Variants in CYP2J2 observed in about 807,000 individuals in gnomAD.
CYP2J2 encodes the protein cytochrome P450 2J2.
A neutral mutation model predicts 48.8 loss-of-function variants in CYP2J2; 41 were observed. The ratio of observed to expected loss-of-function variants is 0.84; its 90% CI spans 0.66 to 1.09. The LOEUF (loss-of-function observed/expected upper bound fraction) is 1.09. Among genes scored for constraint, CYP2J2 ranks in the 50% least tolerant of loss-of-function variants. The pLI is 0.00. For synonymous variants in CYP2J2, 221 were observed against 227.1 expected (o/e 0.97, Z 0.24); for missense variants, 644 against 617.3 (o/e 1.04, Z -0.46).
chr1:59,964,766 A>T, the CYP2J2 span, among the ~76,000 whole-genome samples: 3 of 152,264 alleles, frequency 2.0e-5, no homozygotes, highest in African/African-American at 7.2e-5. Flanking sequence ...TCAGATTGTA[A>T]ACTTTTTTTC....
intron 1 of CYP2J2, among the ~76,000 whole-genome samples, chr1:59,918,388 T>C (rs1281295439): frequency 6.6e-6 from 1 of 152,180 alleles, no homozygotes; most frequent in Non-Finnish European, 1.5e-5. Context: ...TCCATTACTA[T>C]TTACTGAAAT....
intron 8 of CYP2J2, among the ~76,000 whole-genome samples, chr1:59,900,673 G>C (rs1343145810): frequency 3.3e-5 from 5 of 152,176 alleles, no homozygotes; most frequent in Non-Finnish European, 7.3e-5. Flanking sequence ...AATCCTCTTT[G>C]TGAGCTGGTG....
At chr1:59,949,837 A>G in the CYP2J2 span, among the ~76,000 whole-genome samples, 1 of 151,386 alleles carries the variant, frequency 6.6e-6, no homozygotes. Context: ...AGTCACCTGG[A>G]GTATTCTGCT....
chr1:59,910,530 G>A (rs1644403970), intron 4 of CYP2J2, among the ~76,000 whole-genome samples: 1 of 152,066 alleles, frequency 6.6e-6, no homozygotes, highest in Non-Finnish European at 1.5e-5. Context: ...CAAAAATAAA[G>A]TCATTTTCTT....
the CYP2J2 span, among the ~76,000 whole-genome samples, chr1:59,938,359 C>A: frequency 1.3e-5 from 2 of 152,310 alleles, no homozygotes; most frequent in East Asian, 3.9e-4. Context: ...AGTATCTCAG[C>A]AAGAGAAATG....
chr1:59,929,627 T>A (rs1644593577), upstream of CYP2J2, among the ~76,000 whole-genome samples: 1 of 152,044 alleles, frequency 6.6e-6, no homozygotes, highest in Non-Finnish European at 1.5e-5. Context: ...ACTGAAATTT[T>A]AAAAATCACT....
the CYP2J2 span, among the ~76,000 whole-genome samples, chr1:59,942,703 G>A: frequency 5.9e-5 from 9 of 152,186 alleles, no homozygotes; most frequent in East Asian, 1.5e-3. Context: ...TTGGTGGATG[G>A]CATTGGCTTA....
chr1:59,945,407 CATCTATCTATCTATCTATCTATCT>C, the CYP2J2 span, among the ~76,000 whole-genome samples: 77 of 148,922 alleles, frequency 5.2e-4, 1 homozygote, highest in East Asian at 0.011. Context: ...CTCTTTCTGT[CATCTATCTATCTATCTATCTATCT>C]ATCTATCTAT....
At chr1:59,899,126 T>G (rs1438557229) in intron 8 of CYP2J2, among the ~76,000 whole-genome samples, 4 of 152,230 alleles carry the variant, frequency 2.6e-5, no homozygotes, top group African/African-American at 9.7e-5. Context: ...GAAGCATTTT[T>G]TGTGGAATGC....
In CYP2J2 at chr1:59,914,386, T is replaced by C. The variant is rs553968364; in HGVS notation, c.373+1552A>G. 3.9e-5 allele frequency among the ~76,000 whole-genome samples: 6 copies of C among 152,324 alleles called. No homozygotes were observed. The East Asian group carries it at 5.8e-4, about 15-fold the overall frequency. On this transcript the variant is annotated intron_variant, in intron 2 of 8. Coordinates refer to ENST00000371204, the MANE Select transcript of CYP2J2 (RefSeq NM_000775.4). The stretch of plus-strand genomic sequence containing the variant: ...AGAGATCAGACTGTTACTGTGTCTA[T>C]GTAGAAAGGGAAGACATAAGAAATT...
At chr1:59,917,765 C>T (rs1272935985) in intron 1 of CYP2J2, among the ~76,000 whole-genome samples, 1 of 152,198 alleles carries the variant, frequency 6.6e-6, no homozygotes, top group Non-Finnish European at 1.5e-5. Context: ...CAGAGGGTCC[C>T]AGGTAGACCC....
At chr1:59,955,634 A>G in the CYP2J2 span, among the ~76,000 whole-genome samples, 1 of 152,128 alleles carries the variant, frequency 6.6e-6, no homozygotes, top group Admixed American at 6.6e-5. Flanking sequence ...TGAGGGACAC[A>G]TCCTATGCCT....
At chr1:59,960,274 ACT>A in the CYP2J2 span, among the ~76,000 whole-genome samples, 1 of 152,210 alleles carries the variant, frequency 6.6e-6, no homozygotes, top group African/African-American at 2.4e-5. Flanking sequence ...TCATGGAGAA[ACT>A]CTGGGAAATG....
chr1:59,926,780 A>G, upstream of CYP2J2: 2 of 1,571,324 alleles, frequency 1.3e-6, no homozygotes, highest in Non-Finnish European at 1.7e-6. Flanking sequence ...CTGCGGTCCA[A>G]GCAGGCGGCG....
the CYP2J2 span, among the ~76,000 whole-genome samples, chr1:59,933,189 C>A: frequency 2.0e-5 from 3 of 152,142 alleles, no homozygotes; most frequent in African/African-American, 7.2e-5. Flanking sequence ...ATGTGTAGTG[C>A]CAACTCTAAG....
At chr1:59,935,001 T>TAC in the CYP2J2 span, among the ~76,000 whole-genome samples, 3 of 46,192 alleles carry the variant, frequency 6.5e-5, no homozygotes, top group African/African-American at 3.6e-4. Flanking sequence ...TATATATATA[T>TAC]ATATATATAT....
At chr1:59,933,817 T>C in the CYP2J2 span, among the ~76,000 whole-genome samples, 1 of 152,182 alleles carries the variant, frequency 6.6e-6, no homozygotes, top group Non-Finnish European at 1.5e-5. Context: ...CGAAATTAAT[T>C]TGCAGATTTA....
At chr1:59,925,006 T>G (rs973673598) in intron 1 of CYP2J2, among the ~76,000 whole-genome samples, 2 of 152,098 alleles carry the variant, frequency 1.3e-5, no homozygotes, top group African/African-American at 4.8e-5. Flanking sequence ...TGTGGCTATA[T>G]TATATCAGAT....
At chr1:59,935,015 CATATATATATATATATAT>C in the CYP2J2 span, among the ~76,000 whole-genome samples, 3 of 47,496 alleles carry the variant, frequency 6.3e-5, no homozygotes, top group Admixed American at 2.9e-4. Context: ...TATATATATA[CATATATATATATATATAT>C]ATATATATAT....
Sources: allele counts gnomAD v4.1 joint callset (sites outside exome capture counted in the v4.1 genomes callset), GRCh38; gene constraint gnomAD v4.1.1; transcripts MANE v1.5; gene names NCBI Gene and HGNC (gene_info 2026-07-23, HGNC 2026-07-21).